Variants in EFCAB5 observed in about 807,000 individuals in gnomAD.
EFCAB5 encodes EF-hand calcium binding domain 5, also known as EF-hand calcium-binding domain-containing protein 5.
A neutral mutation model predicts 167.9 loss-of-function variants in EFCAB5; 131 were observed. That is an observed-to-expected ratio of 0.78 (90% CI 0.68 to 0.90). EFCAB5 has a LOEUF of 0.90. Among genes scored for constraint, EFCAB5 ranks in the 40% least tolerant of loss-of-function variants. EFCAB5 has a pLI of 0.00. For synonymous variants in EFCAB5, 574 were observed against 602.8 expected (o/e 0.95, Z 0.70); for missense variants, 1,663 against 1,745.2 (o/e 0.95, Z 0.84).
intron 14 of EFCAB5, chr17:30,069,608 C>A: frequency 6.2e-7 from 1 of 1,612,992 alleles, no homozygotes; most frequent in East Asian, 2.2e-5. Context: ...CTTCTCCTTG[C>A]TCTTCCTCGA....
intron 7 of EFCAB5, among the ~76,000 whole-genome samples, 173 bp from the exon 8 acceptor site, chr17:30,034,057 C>T (rs972726924): frequency 2.0e-5 from 3 of 152,224 alleles, no homozygotes; most frequent in Non-Finnish European, 4.4e-5. Context: ...CCTCTCTCTG[C>T]ATCACAGCTT....
chr17:30,073,061 A>ATTTT, intron 14 of EFCAB5: 1 of 520,336 alleles, frequency 1.9e-6, no homozygotes, highest in African/African-American at 2.1e-5. Context: ...CCCAACCTTT[A>ATTTT]TTTTTTTTTT....
chr17:29,947,201 T>C (rs1389728490), intron 3 of EFCAB5, among the ~76,000 whole-genome samples: 1 of 150,210 alleles, frequency 6.7e-6, no homozygotes, highest in South Asian at 2.1e-4. Flanking sequence ...AAAGAAAATG[T>C]GGTATATATA....
intron 8 of EFCAB5, among the ~76,000 whole-genome samples, chr17:30,043,767 A>G (rs1280804829): frequency 6.6e-6 from 1 of 152,220 alleles, no homozygotes; most frequent in Non-Finnish European, 1.5e-5. Context: ...CAAAGACTAT[A>G]TGAATGAATC....
chr17:30,055,088 A>G (rs1488115478), intron 10 of EFCAB5, among the ~76,000 whole-genome samples: 3 of 152,106 alleles, frequency 2.0e-5, no homozygotes, highest in African/African-American at 7.2e-5. Flanking sequence ...GCTTGAGCCC[A>G]GGAGTTCAAA....
At chr17:30,027,539 T>C (rs533690973) in intron 7 of EFCAB5, among the ~76,000 whole-genome samples, 4 of 152,152 alleles carry the variant, frequency 2.6e-5, no homozygotes, top group East Asian at 3.9e-4. Context: ...CAGTTTGTTA[T>C]GTAAAGCAGG....
chr17:30,086,386 G>A (rs2071089043), intron 18 of EFCAB5, among the ~76,000 whole-genome samples: 1 of 152,170 alleles, frequency 6.6e-6, no homozygotes, highest in Admixed American at 6.5e-5. Context: ...AAGAAGCAGG[G>A]AGAATGAAGA....
At chr17:30,097,892 T>A (rs1432123991) in intron 22 of EFCAB5, among the ~76,000 whole-genome samples, 1 of 152,170 alleles carries the variant, frequency 6.6e-6, no homozygotes, top group Non-Finnish European at 1.5e-5. Context: ...TTATTTTCTT[T>A]TCCCAAAGCC....
chr17:30,050,655 G>A (rs1250953304), intron 8 of EFCAB5, among the ~76,000 whole-genome samples: 1 of 152,116 alleles, frequency 6.6e-6, no homozygotes, highest in Non-Finnish European at 1.5e-5. Context: ...GCTTTTTAAA[G>A]CACATACACA....
rs1420531355 is a variant in EFCAB5 at position 30,080,924 on chromosome 17, C to G, written c.3369C>G (p.Thr1123=). The G allele has an allele frequency of 6.2e-7, 1 of 1,613,516 alleles. No homozygotes were observed. The highest frequency in any genetic ancestry group is 2.2e-5 in the East Asian group (1 of 44,870). ...MRIFGVLAVD[T]LRDPHEINIF... is the part of the protein sequence containing the mutation. ...TCTTTGGGGTCTTGGCTGTTGATAC[C>G]CTTAGAGATCCCCACGAAATAAACA... Residue 1123 remains threonine (T), a synonymous_variant, in exon 17 of 23, where the codon ACC becomes ACG. Coordinates refer to ENST00000394835, the MANE Select transcript of EFCAB5 (RefSeq NM_198529.4).
intron 17 of EFCAB5, 69 bp from the exon 18 acceptor site, chr17:30,082,822 A>C: frequency 7.0e-7 from 1 of 1,433,660 alleles, no homozygotes; most frequent in Non-Finnish European, 9.3e-7. Context: ...AAGGTAATCC[A>C]ATTACTATAT....
At chr17:29,975,803 C>T (rs1321541412) in intron 4 of EFCAB5, among the ~76,000 whole-genome samples, 1 of 152,150 alleles carries the variant, frequency 6.6e-6, no homozygotes, top group East Asian at 1.9e-4. Flanking sequence ...ACCTGGGGTG[C>T]TTGGTTAAAA....
intron 3 of EFCAB5, among the ~76,000 whole-genome samples, chr17:29,962,632 C>CTTTT (rs796553756): frequency 9.1e-6 from 1 of 110,432 alleles, no homozygotes; most frequent in African/African-American, 3.5e-5. Context: ...CCATGCCTGG[C>CTTTT]TTTTTTTTTT....
At chr17:30,034,932 G>A (rs984130029) in intron 8 of EFCAB5, among the ~76,000 whole-genome samples, 1 of 152,050 alleles carries the variant, frequency 6.6e-6, no homozygotes, top group Non-Finnish European at 1.5e-5. Context: ...TTTATAAAGG[G>A]GCCCTTATGT....
chr17:30,034,651 A>C (rs8071742), intron 8 of EFCAB5, among the ~76,000 whole-genome samples: 94,420 of 152,032 alleles, frequency 0.62, 31,578 homozygotes, highest in African/African-American at 0.88. Flanking sequence ...TAAGATGCAA[A>C]AACAAAATGT....
chr17:29,985,553 C>A (rs1303507085), intron 4 of EFCAB5, among the ~76,000 whole-genome samples: 1 of 152,190 alleles, frequency 6.6e-6, no homozygotes, highest in African/African-American at 2.4e-5. Flanking sequence ...TTACTGACAG[C>A]AAGCCAGTGA....
intron 20 of EFCAB5, among the ~76,000 whole-genome samples, chr17:30,091,224 G>C (rs540383018): frequency 6.6e-6 from 1 of 152,218 alleles, no homozygotes; most frequent in African/African-American, 2.4e-5. Context: ...AAGCTGGTGG[G>C]AGAGCCAGGA....
chr17:30,099,381 C>T (rs1011274660), intron 22 of EFCAB5, among the ~76,000 whole-genome samples: 15 of 151,824 alleles, frequency 9.9e-5, no homozygotes, highest in African/African-American at 3.4e-4. Flanking sequence ...GGGCCATGAT[C>T]GTGCCACTGC....
At position 30,027,799 on chromosome 17, in the gene EFCAB5, G is replaced by C. The variant is rs76429450; in HGVS notation, c.1045-6431G>C. 1.3e-3 allele frequency among the ~76,000 whole-genome samples: 196 copies of C among 152,194 alleles called. 4 individuals carry two copies. In the East Asian group the frequency reaches 0.029, roughly 22 times the overall value. On this transcript the variant is annotated intron_variant, in intron 7 of 22. Transcript: ENST00000394835. ...GCTGTCCAGACCTTACTGCCCACCT[G>C]ATTATTGTGGCGACTCTAGCCCCAC...
Sources: gnomAD v4.1 joint callset for allele counts (sites outside exome capture counted in the v4.1 genomes callset) on GRCh38, gnomAD v4.1.1 for gene constraint, MANE v1.5 for transcripts, NCBI Gene and HGNC (gene_info 2026-07-23, HGNC 2026-07-21) for gene names.